The following RBMS3 variants were observed in gnomAD, a reference collection of about 807,000 sequenced individuals.
RBMS3 encodes RNA-binding motif, single-stranded-interacting protein 3.
Under a neutral mutation model 66.8 loss-of-function variants are expected in RBMS3, and 27 were observed. That is an observed-to-expected ratio of 0.40 (90% CI 0.30 to 0.56). RBMS3 has a LOEUF of 0.56. RBMS3 is among the 20% of genes least tolerant of loss of function. RBMS3 has a pLI of 0.40. For synonymous variants in RBMS3, 188 were observed against 183.0 expected (o/e 1.03, Z -0.22); for missense variants, 513 against 549.5 (o/e 0.93, Z 0.66).
At chr3:29,862,685 G>C (rs140688654) in intron 6 of RBMS3, among the ~76,000 whole-genome samples, 2 of 151,738 alleles carry the variant, frequency 1.3e-5, no homozygotes, top group Non-Finnish European at 2.9e-5. Context: ...TAGAAGTGAC[G>C]AGAGTGAAAT....
chr3:29,694,600 T>A (rs1321410360), intron 4 of RBMS3, among the ~76,000 whole-genome samples: 2 of 152,192 alleles, frequency 1.3e-5, no homozygotes, highest in Non-Finnish European at 2.9e-5. Flanking sequence ...GTGGTCACAG[T>A]AATTTCCTGC....
intron 4 of RBMS3, among the ~76,000 whole-genome samples, chr3:29,726,156 C>T (rs970987910): frequency 1.3e-5 from 2 of 152,186 alleles, no homozygotes; most frequent in Non-Finnish European, 2.9e-5. Flanking sequence ...TAAAATTCAA[C>T]ACCCCTTCAT....
Position 29,503,060 on chromosome 3 carries a change from G to C in RBMS3, c.307+14561G>C, listed in dbSNP as rs867480694. Among the ~76,000 whole-genome samples, 8 of 152,220 alleles carry C rather than the reference G, an allele frequency of 5.3e-5. No individual in the cohort carries two copies. In the South Asian group the frequency reaches 1.7e-3, roughly 32 times the overall value. On this transcript the variant is annotated intron_variant, in intron 3 of 14. Coordinates refer to ENST00000383767, the MANE Select transcript of RBMS3 (RefSeq NM_001003793.3). ...CTTTTCTTCAAATAGCTTGCGTGTA[G>C]TTGTGGAGAATGTTTGGGGGTCATT...
chr3:29,906,482 A>G (rs1464033770), intron 10 of RBMS3, among the ~76,000 whole-genome samples: 2 of 152,176 alleles, frequency 1.3e-5, no homozygotes, highest in African/African-American at 4.8e-5. Flanking sequence ...CACAGCTGAC[A>G]TTAATCCATT....
At chr3:29,666,321 A>G (rs1188436893) in intron 4 of RBMS3, among the ~76,000 whole-genome samples, 2 of 152,352 alleles carry the variant, frequency 1.3e-5, no homozygotes, top group East Asian at 3.9e-4. Context: ...CACTAGAATG[A>G]AAGCATGATG....
intron 4 of RBMS3, among the ~76,000 whole-genome samples, chr3:29,590,162 G>T (rs2047678159): frequency 6.6e-6 from 1 of 151,862 alleles, no homozygotes; most frequent in Non-Finnish European, 1.5e-5. Flanking sequence ...ATACATAGTG[G>T]TTAGGAGCAT....
chr3:29,997,812 A>T (rs1454721509), intron 14 of RBMS3, among the ~76,000 whole-genome samples: 1 of 152,170 alleles, frequency 6.6e-6, no homozygotes, highest in Admixed American at 6.5e-5. Flanking sequence ...AGCCAATATC[A>T]TACTGAATGG....
intron 7 of RBMS3, among the ~76,000 whole-genome samples, chr3:29,874,828 GC>G (rs1307628627): frequency 9.2e-5 from 14 of 152,108 alleles, no homozygotes; most frequent in African/African-American, 3.1e-4. Flanking sequence ...AAGGTACTAA[GC>G]CCAATATTTA....
At chr3:29,478,634 G>A (rs2125814492) in intron 2 of RBMS3, among the ~76,000 whole-genome samples, 1 of 152,282 alleles carries the variant, frequency 6.6e-6, no homozygotes, top group East Asian at 1.9e-4. Flanking sequence ...TCTGAAAATG[G>A]TTACATATGT....
At chr3:29,339,179 A>T (rs1452585120) in intron 1 of RBMS3, among the ~76,000 whole-genome samples, 2 of 152,320 alleles carry the variant, frequency 1.3e-5, no homozygotes, top group Admixed American at 1.3e-4. Flanking sequence ...TCTTCTGGAG[A>T]TAAGTAGGGA....
intron 3 of RBMS3, among the ~76,000 whole-genome samples, chr3:29,500,094 T>A: frequency 6.6e-6 from 1 of 150,448 alleles, no homozygotes; most frequent in Admixed American, 6.7e-5. Context: ...AAAAGAAGAA[T>A]TACATAAGGT....
intron 2 of RBMS3, among the ~76,000 whole-genome samples, chr3:29,440,951 G>C (rs1433710666): frequency 6.6e-6 from 1 of 152,076 alleles, no homozygotes; most frequent in Non-Finnish European, 1.5e-5. Context: ...TGCACTCCAG[G>C]GTAAACAAGT....
chr3:29,971,844 C>G (rs1157894380), intron 12 of RBMS3, among the ~76,000 whole-genome samples: 1 of 151,666 alleles, frequency 6.6e-6, no homozygotes, highest in Non-Finnish European at 1.5e-5. Context: ...CATTTGGACT[C>G]AGATTGAGAG....
rs577984251 is a variant in RBMS3 at position 29,394,127 on chromosome 3, C to T, written c.76-40616C>T. On this transcript the variant is annotated intron_variant, in intron 1 of 14. Transcript: ENST00000383767. Reference sequence around the variant, plus strand: ...CAGGGTGTATTTCATCCCTTATCTTCAACTGCATAAGACAGACACTCTCAG... The same window carrying T: ...CAGGGTGTATTTCATCCCTTATCTTTAACTGCATAAGACAGACACTCTCAG... Among the ~76,000 whole-genome samples the T allele has an allele frequency of 4.6e-5, 7 of 152,304 alleles. No individual in the cohort carries two copies. In the East Asian group the frequency reaches 1.4e-3, roughly 29 times the overall value.
At chr3:29,905,862 G>C (rs1178612212) in intron 10 of RBMS3, among the ~76,000 whole-genome samples, 1 of 152,054 alleles carries the variant, frequency 6.6e-6, no homozygotes, top group African/African-American at 2.4e-5. Context: ...CCACATGTTG[G>C]GGAAACTTGC....
intron 3 of RBMS3, among the ~76,000 whole-genome samples, chr3:29,573,577 T>C (rs959347844): frequency 6.6e-6 from 1 of 152,188 alleles, no homozygotes; most frequent in Non-Finnish European, 1.5e-5. Flanking sequence ...TTATTTCTAC[T>C]CTGATCCTGA....
intron 12 of RBMS3, among the ~76,000 whole-genome samples, chr3:29,962,947 G>A (rs865950651): frequency 6.7e-6 from 1 of 150,196 alleles, no homozygotes; most frequent in South Asian, 2.1e-4. Flanking sequence ...AGATTTTATT[G>A]TGCATATATT....
intron 3 of RBMS3, among the ~76,000 whole-genome samples, chr3:29,553,981 C>A (rs2046262645): frequency 6.6e-6 from 1 of 152,090 alleles, no homozygotes; most frequent in African/African-American, 2.4e-5. Context: ...CCAAATCTAG[C>A]TTCCTATGAG....
chr3:29,671,474 C>T (rs1386311308), intron 4 of RBMS3, among the ~76,000 whole-genome samples: 1 of 152,178 alleles, frequency 6.6e-6, no homozygotes, highest in Non-Finnish European at 1.5e-5. Flanking sequence ...TCAGTAATAA[C>T]AAACTTCTCC....
Sources: allele counts gnomAD v4.1 joint callset (sites outside exome capture counted in the v4.1 genomes callset), GRCh38; gene constraint gnomAD v4.1.1; transcripts MANE v1.5; gene names NCBI Gene and HGNC (gene_info 2026-07-23, HGNC 2026-07-21).